METTL25: variants seen among roughly 807,000 people sequenced by gnomAD.
METTL25 encodes methyltransferase like 25, also known as probable methyltransferase-like protein 25.
Under a neutral mutation model 71.6 loss-of-function variants are expected in METTL25, and 64 were observed. The ratio of observed to expected loss-of-function variants is 0.89; its 90% confidence interval spans 0.73 to 1.10. The LOEUF (loss-of-function observed/expected upper bound fraction) is 1.10. Ranked by LOEUF, METTL25 falls within the 50% of genes least tolerant of loss-of-function variation. METTL25 has a pLI of 0.00. For synonymous variants in METTL25, 287 were observed against 250.3 expected (o/e 1.15, Z -1.38); for missense variants, 807 against 707.0 (o/e 1.14, Z -1.60).
intron 6 of METTL25, among the ~76,000 whole-genome samples, chr12:82,434,327 G>A (rs1271994526): frequency 6.6e-6 from 1 of 151,210 alleles, no homozygotes; most frequent in Non-Finnish European, 1.5e-5. Context: ...CTGTATATGT[G>A]CATAATAATA....
intron 8 of METTL25, among the ~76,000 whole-genome samples, chr12:82,443,548 C>A (rs187125052): frequency 4.5e-4 from 68 of 151,526 alleles, no homozygotes; most frequent in African/African-American, 1.6e-3. Flanking sequence ...GGCATTAGTC[C>A]ATTTCTATGT....
intron 1 of METTL25, among the ~76,000 whole-genome samples, chr12:82,377,363 A>C (rs1047928923): frequency 6.6e-6 from 1 of 152,230 alleles, no homozygotes; most frequent in African/African-American, 2.4e-5. Context: ...AATTTATTAT[A>C]ACCATTTACT....
intron 5 of METTL25, among the ~76,000 whole-genome samples, chr12:82,424,945 G>T (rs888825724): frequency 2.0e-4 from 31 of 152,178 alleles, no homozygotes; most frequent in Middle Eastern, 3.4e-3. Flanking sequence ...CCAACAGCTT[G>T]ATTTTGGACT....
intron 5 of METTL25, among the ~76,000 whole-genome samples, chr12:82,427,057 C>G (rs1200042288): frequency 9.2e-5 from 14 of 151,990 alleles, no homozygotes; most frequent in Non-Finnish European, 1.5e-4. Context: ...TTGGTTTTTA[C>G]TAAGTATCCC....
chr12:82,375,391 T>C (rs2136885044), intron 1 of METTL25, among the ~76,000 whole-genome samples: 1 of 152,182 alleles, frequency 6.6e-6, no homozygotes, highest in East Asian at 1.9e-4. Context: ...CTGTACCAAC[T>C]ATGCTGGCGA....
intron 1 of METTL25, among the ~76,000 whole-genome samples, chr12:82,381,590 A>C (rs563253882): frequency 6.6e-6 from 1 of 152,170 alleles, no homozygotes; most frequent in African/African-American, 2.4e-5. Flanking sequence ...TATATATTCT[A>C]TTTTCTTCCC....
intron 9 of METTL25, among the ~76,000 whole-genome samples, chr12:82,458,689 G>A (rs1253851965): frequency 4.6e-5 from 7 of 151,914 alleles, no homozygotes; most frequent in African/African-American, 1.7e-4. Context: ...TTTTAAATAC[G>A]CCAGAGCATT....
chr12:82,402,427 G>C (rs1306386618), intron 4 of METTL25, among the ~76,000 whole-genome samples: 2 of 152,000 alleles, frequency 1.3e-5, no homozygotes, highest in African/African-American at 4.8e-5. Flanking sequence ...TGTTACATTT[G>C]ATTAGTCCAA....
At chr12:82,388,069 A>T (rs2136951360) in intron 2 of METTL25, among the ~76,000 whole-genome samples, 1 of 152,120 alleles carries the variant, frequency 6.6e-6, no homozygotes, top group East Asian at 1.9e-4. Flanking sequence ...TGACAGTGAT[A>T]CTTTTGATAT....
At chr12:82,422,842 A>G (rs1320753485) in intron 5 of METTL25, among the ~76,000 whole-genome samples, 2 of 152,198 alleles carry the variant, frequency 1.3e-5, no homozygotes, top group East Asian at 3.9e-4. Flanking sequence ...CTTACAAGGG[A>G]TGTGAAGGAC....
intron 7 of METTL25, among the ~76,000 whole-genome samples, chr12:82,437,141 A>C (rs1461018724): frequency 6.6e-6 from 1 of 151,668 alleles, no homozygotes; most frequent in Non-Finnish European, 1.5e-5. Flanking sequence ...AAATGTTTTG[A>C]TGTAATTTTT....
At chr12:82,465,740 T>C (rs2137285202) in intron 9 of METTL25, among the ~76,000 whole-genome samples, 1 of 152,190 alleles carries the variant, frequency 6.6e-6, no homozygotes, top group African/African-American at 2.4e-5. Context: ...TGGAACTTTC[T>C]TTGTTGGAAG....
chr12:82,436,809 A>G (rs1889949239), intron 7 of METTL25, among the ~76,000 whole-genome samples: 1 of 151,598 alleles, frequency 6.6e-6, no homozygotes, highest in Non-Finnish European at 1.5e-5. Flanking sequence ...AACTATTTTT[A>G]GGCGTTTCAT....
At position 82,418,412 on chromosome 12, in the gene METTL25, T is replaced by C. The variant is rs139251310; in HGVS notation, c.1280-12481T>C. On this transcript the variant is annotated intron_variant, in intron 5 of 11. Coordinates refer to ENST00000248306, the MANE Select transcript of METTL25 (RefSeq NM_032230.3). ...CTGCATAAAATTATAATATATACTATTCTGCTGTAGCAATTTTGTAGCCAC... is the reference window on the plus strand; with the variant it reads ...CTGCATAAAATTATAATATATACTACTCTGCTGTAGCAATTTTGTAGCCAC... Among the ~76,000 whole-genome samples the C allele has an allele frequency of 2.6e-3, 389 of 152,252 alleles. 2 individuals are homozygous for C. The highest frequency in any genetic ancestry group is 8.8e-3 in the African/African-American group (367 of 41,558).
At chr12:82,442,668 C>A (rs979566483) in intron 8 of METTL25, among the ~76,000 whole-genome samples, 1 of 152,054 alleles carries the variant, frequency 6.6e-6, no homozygotes, top group South Asian at 2.1e-4. Flanking sequence ...GCTGCATCCA[C>A]GTCAGTATCC....
At chr12:82,415,061 T>G (rs932463078) in intron 5 of METTL25, among the ~76,000 whole-genome samples, 5 of 152,086 alleles carry the variant, frequency 3.3e-5, no homozygotes, top group Admixed American at 6.6e-5. Flanking sequence ...AGTGAGAAAC[T>G]CCACTGGGAA....
chr12:82,458,436 A>G (rs1891641097), intron 9 of METTL25, among the ~76,000 whole-genome samples: 1 of 152,156 alleles, frequency 6.6e-6, no homozygotes, highest in Non-Finnish European at 1.5e-5. Flanking sequence ...AGAGATTTAC[A>G]ACTTACAGGA....
chr12:82,365,804 C>G (rs187220659), intron 1 of METTL25, among the ~76,000 whole-genome samples: 6 of 143,798 alleles, frequency 4.2e-5, no homozygotes, highest in African/African-American at 9.9e-5. Context: ...TGGCCTCGGC[C>G]GGGCGCGGTG....
At chr12:82,463,817 G>T (rs572459167) in intron 9 of METTL25, among the ~76,000 whole-genome samples, 1 of 151,960 alleles carries the variant, frequency 6.6e-6, no homozygotes, top group Admixed American at 6.6e-5. Flanking sequence ...GTTCTGATTT[G>T]TATTTCCCTA....
Sources: allele counts gnomAD v4.1 joint callset (sites outside exome capture counted in the v4.1 genomes callset), GRCh38; gene constraint gnomAD v4.1.1; transcripts MANE v1.5; gene names NCBI Gene and HGNC (gene_info 2026-07-23, HGNC 2026-07-21).